The following CCDC42 variants were observed in gnomAD, a reference collection of about 807,000 sequenced individuals.
CCDC42 encodes the protein coiled-coil domain containing 42, also known as coiled-coil domain-containing protein 42.
A neutral mutation model predicts 40.8 loss-of-function variants in CCDC42; 38 were observed. The observed-to-expected ratio is 0.93, with a 90% CI of 0.72 to 1.22. The LOEUF (loss-of-function observed/expected upper bound fraction) is 1.22, where lower values mean the gene tolerates loss of function less well. Among genes scored for constraint, CCDC42 ranks in the 50% most tolerant of loss-of-function variants. CCDC42 has a pLI of 0.00. For synonymous variants in CCDC42, 135 were observed against 157.5 expected (o/e 0.86, Z 1.07); for missense variants, 379 against 416.5 (o/e 0.91, Z 0.78).
chr17:8,733,795 C>T (rs984489862), intron 6 of CCDC42, among the ~76,000 whole-genome samples: 5 of 152,078 alleles, frequency 3.3e-5, no homozygotes, highest in Admixed American at 6.6e-5. Context: ...GGCCCTCCCA[C>T]TGCATCTTTC....
At chr17:8,742,465 C>G (rs1019520527) in intron 3 of CCDC42, among the ~76,000 whole-genome samples, 4 of 152,180 alleles carry the variant, frequency 2.6e-5, no homozygotes, top group Admixed American at 2.0e-4. Context: ...GCTCAGTTAC[C>G]GCAATCAGTC....
chr17:8,743,681 C>A lies in CCDC42; in HGVS notation c.239G>T (p.Gly80Val), dbSNP rs1160880851. ...ETLNLRWEEL[G>V]VKEAQLKAHI... Reference sequence around the variant, plus strand: ...AGCCTTCAGTTGGGCTTCCTTAACGCCCAGTTCCTCCCAGCGCAGGTTCAG... The same window carrying A: ...AGCCTTCAGTTGGGCTTCCTTAACGACCAGTTCCTCCCAGCGCAGGTTCAG... Residue 80 changes from glycine to valine, a missense_variant, in exon 3 of 7, where the codon GGC (glycine) becomes GTC (valine). Physicochemically the swap from Gly to Val is moderately radical, Grantham distance 109. Coordinates refer to ENST00000293845, the MANE Select transcript of CCDC42 (RefSeq NM_144681.3). 6.2e-7 allele frequency: 1 copy of A among 1,613,338 alleles called. No homozygotes were observed. Among genetic ancestry groups the A allele is most frequent in the African/African-American group, 1.3e-5 (1 of 74,986 alleles).
chr17:8,738,830 G>A (rs1467019834), intron 4 of CCDC42, among the ~76,000 whole-genome samples: 1 of 152,156 alleles, frequency 6.6e-6, no homozygotes, highest in African/African-American at 2.4e-5. Context: ...GTTACAAAAT[G>A]TTACAAAATA....
intron 3 of CCDC42, among the ~76,000 whole-genome samples, chr17:8,743,035 G>T (rs11653933): frequency 3.3e-5 from 5 of 152,336 alleles, no homozygotes; most frequent in Non-Finnish European, 5.9e-5. Flanking sequence ...CTTTGTGGCC[G>T]ACGGCAATCA....
intron 4 of CCDC42, among the ~76,000 whole-genome samples, chr17:8,736,381 C>G (rs1318885637): frequency 1.3e-5 from 2 of 152,208 alleles, no homozygotes; most frequent in Admixed American, 1.3e-4. Flanking sequence ...CCAGACTCAG[C>G]TCACCTCCCC....
chr17:8,740,229 G>T (rs1372115951), intron 4 of CCDC42, among the ~76,000 whole-genome samples: 1 of 152,060 alleles, frequency 6.6e-6, no homozygotes, highest in Non-Finnish European at 1.5e-5. Flanking sequence ...GATCGCTCAC[G>T]CCTGTAATTC....
At chr17:8,741,439 G>A in intron 4 of CCDC42, 35 bp downstream of exon 4, 1 of 1,597,636 alleles carries the variant, frequency 6.3e-7, no homozygotes, top group Non-Finnish European at 8.6e-7. Flanking sequence ...GCTGAGGAAG[G>A]TGCCAGGGCC....
chr17:8,732,028 CG>C (rs780582753), intron 6 of CCDC42, among the ~76,000 whole-genome samples: 5 of 151,474 alleles, frequency 3.3e-5, no homozygotes, highest in Non-Finnish European at 7.4e-5. Flanking sequence ...AGGCCGGGCG[CG>C]GTGGCTCAAG....
chr17:8,734,946 A>G, intron 6 of CCDC42, 150 bp downstream of exon 6: 1 of 755,230 alleles, frequency 1.3e-6, no homozygotes, highest in Non-Finnish European at 2.1e-6. Context: ...GCCCAGTAAT[A>G]CTCCTCACCC....
chr17:8,732,160 G>T (rs948127718), intron 6 of CCDC42, among the ~76,000 whole-genome samples: 1 of 151,784 alleles, frequency 6.6e-6, no homozygotes, highest in Non-Finnish European at 1.5e-5. Context: ...TTAGCCAGGC[G>T]TAGTGGCGGG....
rs1406070879 is a variant in CCDC42, at chr17:8,735,643, C to A, written c.493-32G>T. ...TCAGGGGCTCAGGTCAATGCACAGCCAGCCCCTGGGGCCTGAGGGAGCCAC... is the reference window on the plus strand; with the variant it reads ...TCAGGGGCTCAGGTCAATGCACAGCAAGCCCCTGGGGCCTGAGGGAGCCAC... On this transcript the variant is annotated intron_variant, in intron 4 of 6. Transcript: ENST00000293845. This position sits in a 1 kb window ranked among gnomAD's most constrained non-coding sequence, Gnocchi z 4.7. 6.3e-7 allele frequency: 1 copy of A among 1,587,068 alleles called. No homozygotes were observed. The highest frequency in any genetic ancestry group is 8.6e-7 in the Non-Finnish European group (1 of 1,161,526).
At position 8,744,539 on chromosome 17, in the gene CCDC42, A is replaced by C. The variant is rs752481753; in HGVS notation, c.71T>G (p.Leu24Arg). ...YFRLQYGERL[L>R]QMLQKLPNVE... ...CTCAGACACTCACTGGAGCATCTGCAGCAGCCGCTCCCCATACTGCAGCCG... is the reference window on the plus strand; with the variant it reads ...CTCAGACACTCACTGGAGCATCTGCCGCAGCCGCTCCCCATACTGCAGCCG... The change falls in exon 1 of 7, where the codon CTG (leucine) becomes CGG (arginine). Residue 24 changes from leucine (L) to arginine (R), a missense_variant. Leu to Arg is a moderately radical substitution (Grantham distance 102, BLOSUM62 -2). Coordinates refer to ENST00000293845, the MANE Select transcript of CCDC42 (RefSeq NM_144681.3). 1.1e-5 allele frequency: 18 copies of C among 1,611,562 alleles called. No individual in the cohort carries two copies. Among genetic ancestry groups the C allele is most frequent in the Non-Finnish European group, 1.5e-5 (18 of 1,179,806 alleles).
At chr17:8,730,961 T>C (rs1177199602) in intron 6 of CCDC42, among the ~76,000 whole-genome samples, 4 of 152,160 alleles carry the variant, frequency 2.6e-5, no homozygotes, top group Non-Finnish European at 4.4e-5. Flanking sequence ...ATGATAACCT[T>C]GAGTCATGAA....
At chr17:8,741,335 T>C (rs1442154699) in intron 4 of CCDC42, 139 bp downstream of exon 4, 1 of 844,136 alleles carries the variant, frequency 1.2e-6, no homozygotes, top group Non-Finnish European at 1.9e-6. Flanking sequence ...GTGCCCATCC[T>C]GCAGAGCTCC....
At chr17:8,741,183 C>T (rs916431719) in intron 4 of CCDC42, among the ~76,000 whole-genome samples, 2 of 152,200 alleles carry the variant, frequency 1.3e-5, no homozygotes, top group Non-Finnish European at 2.9e-5. Context: ...ATGCAAGATA[C>T]ATACACAGTT....
chr17:8,734,973 T>G, intron 6 of CCDC42, 123 bp downstream of exon 6: 2 of 986,792 alleles, frequency 2.0e-6, no homozygotes, highest in Non-Finnish European at 3.0e-6. Context: ...GTGATCCTGA[T>G]GTTGTTAAAT....
chr17:8,738,986 C>A (rs990459010), intron 4 of CCDC42, among the ~76,000 whole-genome samples: 2 of 152,132 alleles, frequency 1.3e-5, no homozygotes, highest in Non-Finnish European at 2.9e-5. Flanking sequence ...GACAAAAGAA[C>A]TGGGGGCAGA....
chr17:8,730,088 C>G lies in CCDC42; in HGVS notation c.*42G>C. 6.3e-7 allele frequency: 1 copy of G among 1,591,708 alleles called. No homozygotes were observed. Among genetic ancestry groups the G allele is most frequent in the Non-Finnish European group, 8.6e-7 (1 of 1,160,508 alleles). ...ACCGCAGGCTCACGACTTCTTCTTT[C>G]ACGATCTCTGTCTCAGGACATTCTG... On this transcript the variant is annotated 3_prime_UTR_variant, in exon 7 of 7. Coordinates refer to ENST00000293845, the MANE Select transcript of CCDC42 (RefSeq NM_144681.3).
rs1196353800 is a variant in CCDC42, at chr17:8,744,714, C to G, written c.-105G>C. 9.1e-6 allele frequency: 7 copies of G among 769,712 alleles called. No homozygotes were observed. The African/African-American group carries it at 1.0e-4, about 11-fold the overall frequency. 47.7% of individuals were successfully genotyped at this position (769,712 alleles called of 1,614,324 possible). On this transcript the variant is annotated 5_prime_UTR_variant, in exon 1 of 7. Coordinates refer to ENST00000293845, the MANE Select transcript of CCDC42 (RefSeq NM_144681.3). ...GTGGTGGCTGCACTCTTGTTTCTCC[C>G]TTCGGCCTACAGGGTCCCACAGATG...
Sources: allele counts gnomAD v4.1 joint callset (sites outside exome capture counted in the v4.1 genomes callset), GRCh38; gene constraint gnomAD v4.1.1; non-coding constraint Gnocchi (gnomAD v3.1); transcripts MANE v1.5; gene names NCBI Gene and HGNC (gene_info 2026-07-23, HGNC 2026-07-21).